The following ABCB8 variants were observed in gnomAD, a reference collection of about 807,000 sequenced individuals.
ABCB8 encodes the protein mitochondrial potassium channel ATP-binding subunit.
ABCB8 carries 52 observed loss-of-function variants against 73.0 expected under a neutral mutation model. That is an observed-to-expected ratio of 0.71 (90% CI 0.57 to 0.90). ABCB8 has a LOEUF of 0.90. ABCB8 is among the 40% of genes least tolerant of loss of function. The pLI is 0.00. For synonymous variants in ABCB8, 428 were observed against 423.5 expected (o/e 1.01, Z -0.13); for missense variants, 909 against 974.6 (o/e 0.93, Z 0.90).
intron 10 of ABCB8, 47 bp downstream of exon 10, chr7:151,040,348 G>A (rs547764094): frequency 4.3e-5 from 69 of 1,607,152 alleles, no homozygotes; most frequent in Admixed American, 1.9e-4. Context: ...AGTTTGTGCC[G>A]TGTGTGCCGC....
In ABCB8 at chr7:151,041,233, G is replaced by A. The variant is rs1796454866; in HGVS notation, c.1617+1G>A. ...CCAGGTTGTCGGCTTCATCAGCCAG[G>A]TGCGGGGCCACATGGGCAGCCCTTG... On this transcript the variant is annotated splice_donor_variant, in intron 13 of 15. Coordinates refer to ENST00000358849, the MANE Select transcript of ABCB8 (RefSeq NM_007188.5). LOFTEE classifies it high-confidence loss of function. 2.5e-6 allele frequency: 4 copies of A among 1,598,144 alleles called. No individual in the cohort carries two copies. The highest frequency in any genetic ancestry group is 3.4e-6 in the Non-Finnish European group (4 of 1,177,120).
At chr7:151,044,461 AG>A (rs1311695179) in intron 15 of ABCB8, among the ~76,000 whole-genome samples, 4 of 152,154 alleles carry the variant, frequency 2.6e-5, no homozygotes, top group Non-Finnish European at 2.9e-5. Flanking sequence ...ATCAGCTCCC[AG>A]GATCAAAAGG....
chr7:151,040,774 G>C, intron 11 of ABCB8, 54 bp from the exon 12 acceptor site: 2 of 1,591,254 alleles, frequency 1.3e-6, no homozygotes, highest in Non-Finnish European at 1.7e-6. Context: ...GGAGGGACCC[G>C]GGCAACAAGG....
At chr7:151,040,010 C>T (rs552432513) in intron 9 of ABCB8, 35 of 487,134 alleles carry the variant, frequency 7.2e-5, no homozygotes, top group Middle Eastern at 4.9e-4. Context: ...TCCATTTCCT[C>T]GTGGAGCACC....
intron 9 of ABCB8, chr7:151,038,507 CA>C (rs1248237803): frequency 2.4e-3 from 333 of 140,190 alleles, no homozygotes; most frequent in Non-Finnish European, 2.3e-3. Flanking sequence ...GACTCCGTCT[CA>C]AAAAAAAAAA....
chr7:151,034,253 C>G lies in ABCB8; in HGVS notation c.409-20C>G, dbSNP rs533975519. ...GCTCCCCCACTTAAAACATTTGTGC[C>G]CTCTGTCTCCCCATTCCAGCTGGCC... On this transcript the variant is annotated intron_variant, in intron 2 of 15. Transcript: ENST00000358849. 135 of 1,601,196 alleles carry G rather than the reference C, an allele frequency of 8.4e-5. No homozygotes were observed. In the African/African-American group the frequency reaches 1.5e-3, roughly 18 times the overall value.
intron 1 of ABCB8, 34 bp downstream of exon 1, chr7:151,028,644 T>C: frequency 1.3e-6 from 2 of 1,598,726 alleles, no homozygotes; most frequent in Non-Finnish European, 1.7e-6. Context: ...GAGCGGGCCA[T>C]TGACCGCCCG....
At chr7:151,035,817 T>A in intron 6 of ABCB8, 65 bp from the exon 7 acceptor site, 3 of 1,610,172 alleles carry the variant, frequency 1.9e-6, no homozygotes, top group Non-Finnish European at 2.5e-6. Flanking sequence ...CTCCTCCCTG[T>A]CCCCATCCTG....
rs201138111 is a variant in ABCB8, at chr7:151,035,671, C to T, written c.856C>T (p.Pro286Ser). 1.2e-6 allele frequency: 2 copies of T among 1,613,526 alleles called. No individual in the cohort carries two copies. The highest frequency in any genetic ancestry group is 1.7e-6 in the Non-Finnish European group (2 of 1,180,012). The change falls in exon 6 of 16, where the codon CCA becomes TCA. Residue 286 changes from proline to serine, a missense_variant. Pro to Ser is a moderately conservative substitution (Grantham distance 74, BLOSUM62 -1). Transcript: ENST00000358849. Reference sequence around the variant, plus strand: ...CACGCTGCTGCTGATGGTGGCCACACCAGCCCTGATGGGAGTGGGCACCCT... The same window carrying T: ...CACGCTGCTGCTGATGGTGGCCACATCAGCCCTGATGGGAGTGGGCACCCT... ...RLTLLLMVAT[P>S]ALMGVGTLMG...
chr7:151,036,397 C>A, intron 8 of ABCB8, 147 bp from the exon 9 acceptor site: 1 of 854,308 alleles, frequency 1.2e-6, no homozygotes, highest in Non-Finnish European at 1.9e-6. Flanking sequence ...GAGGCGTGCC[C>A]ACCCCAACTT....
rs767120059 is a variant in ABCB8, at chr7:151,042,107, C to T, written c.1764C>T (p.Val588=). 5.6e-6 allele frequency: 9 copies of T among 1,612,666 alleles called. No individual in the cohort carries two copies. Among genetic ancestry groups the T allele is most frequent in the East Asian group, 4.5e-5 (2 of 44,890 alleles). Residue 588 remains valine (V), a splice_region_variant and synonymous_variant, in exon 14 of 16, where the codon GTC becomes GTT. Coordinates refer to ENST00000358849, the MANE Select transcript of ABCB8 (RefSeq NM_007188.5). ...TSFPEGYNTV[V]GERGTTLSGG... is the part of the protein sequence containing the mutation. ...TCCCCGAGGGCTACAACACGGTCGT[C>T]GGTGGGTGCTCGGGTCTGCCGGGAA...
In ABCB8 at chr7:151,040,645, G is replaced by T; in HGVS notation, c.1388+11G>T. The T allele has an allele frequency of 6.2e-7, 1 of 1,609,156 alleles. No individual in the cohort carries two copies. Among genetic ancestry groups the T allele is most frequent in the Non-Finnish European group, 8.5e-7 (1 of 1,177,106 alleles). On this transcript the variant is annotated intron_variant, in intron 11 of 15. Transcript: ENST00000358849. Reference sequence around the variant, plus strand: ...GAACGTCTGCTTCAGGTCAGCACGGGTGAGCAGGCGTGGGGATGGGTCCCT... The same window carrying T: ...GAACGTCTGCTTCAGGTCAGCACGGTTGAGCAGGCGTGGGGATGGGTCCCT...
At chr7:151,036,494 C>T (rs1393050779) in intron 8 of ABCB8, 50 bp from the exon 9 acceptor site, 1 of 1,470,336 alleles carries the variant, frequency 6.8e-7, no homozygotes, top group Non-Finnish European at 9.5e-7. Flanking sequence ...AGGCCCAGGG[C>T]TGTTTCCTCT....
In ABCB8 at chr7:151,042,011, G is replaced by A. The variant is rs766422453; in HGVS notation, c.1668G>A (p.Lys556=). 3.1e-6 allele frequency: 5 copies of A among 1,612,964 alleles called. No individual in the cohort carries two copies. Among genetic ancestry groups the A allele is most frequent in the African/African-American group, 2.7e-5 (2 of 74,938 alleles). The change falls in exon 14 of 16, where the codon AAG becomes AAA. Residue 556 remains lysine (K), a synonymous_variant. Coordinates refer to ENST00000358849, the MANE Select transcript of ABCB8 (RefSeq NM_007188.5). ...TTIMENIRFG[K]LEASDEEVYT... ...TCATGGAAAACATCCGCTTTGGGAAGCTGGAAGCTTCCGATGAAGAGGTGT... is the reference window on the plus strand; with the variant it reads ...TCATGGAAAACATCCGCTTTGGGAAACTGGAAGCTTCCGATGAAGAGGTGT...
chr7:151,035,945 G>T lies in ABCB8; in HGVS notation c.991G>T (p.Ala331Ser). ...LGNVRTVRAF[A>S]MEQREEERYG... ...CAATGTGCGGACTGTGCGTGCCTTC[G>T]CCATGGAGCAACGGGAAGAGGAGTG... Residue 331 changes from alanine (A) to serine (S), a missense_variant, in exon 7 of 16, where the codon GCC (alanine) becomes TCC (serine). Coordinates refer to ENST00000358849, the MANE Select transcript of ABCB8 (RefSeq NM_007188.5). 1.2e-6 allele frequency: 2 copies of T among 1,613,842 alleles called. No homozygotes were observed. Among genetic ancestry groups the T allele is most frequent in the Non-Finnish European group, 1.7e-6 (2 of 1,180,026 alleles).
intron 15 of ABCB8, 109 bp downstream of exon 15, chr7:151,044,330 TG>T (rs1487854957): frequency 1.3e-6 from 2 of 1,501,860 alleles, no homozygotes; most frequent in African/African-American, 2.8e-5. Flanking sequence ...CCCAGGGCCT[TG>T]GGGGCTATAT....
intron 1 of ABCB8, among the ~76,000 whole-genome samples, chr7:151,030,191 T>C (rs934851311): frequency 6.6e-6 from 1 of 152,254 alleles, no homozygotes; most frequent in African/African-American, 2.4e-5. Flanking sequence ...CAATAGATTA[T>C]GAAATGCATT....
chr7:151,041,195 C>T lies in ABCB8; in HGVS notation c.1580C>T (p.Ser527Phe). ...DGRDLRTLDP[S>F]WLRGQVVGFI... ...CGGGACCTGCGCACCCTTGACCCCTCCTGGCTCCGGGGCCAGGTTGTCGGC... is the reference window on the plus strand; with the variant it reads ...CGGGACCTGCGCACCCTTGACCCCTTCTGGCTCCGGGGCCAGGTTGTCGGC... The change falls in exon 13 of 16, where the codon TCC becomes TTC. Residue 527 changes from serine (S) to phenylalanine (F), a missense_variant. Transcript: ENST00000358849. 1 of 1,607,360 alleles carries T rather than the reference C, an allele frequency of 6.2e-7. No homozygotes were observed. The highest frequency in any genetic ancestry group is 1.7e-5 in the Admixed American group (1 of 59,990).
intron 1 of ABCB8, chr7:151,028,922 G>T (rs1584942303): frequency 2.2e-6 from 3 of 1,389,058 alleles, no homozygotes; most frequent in Non-Finnish European, 9.5e-7. Flanking sequence ...GTGATTGCGC[G>T]ATTTGGACGA....
Sources: gnomAD v4.1 joint callset for allele counts (sites outside exome capture counted in the v4.1 genomes callset) on GRCh38, gnomAD v4.1.1 for gene constraint, MANE v1.5 for transcripts, NCBI Gene and HGNC (gene_info 2026-07-23, HGNC 2026-07-21) for gene names.